The following WASF3 variants were observed in gnomAD, a reference collection of about 807,000 sequenced individuals.
The protein encoded by WASF3 is actin-binding protein WASF3.
In WASF3, 11 loss-of-function variants were observed where a neutral mutation model predicts 46.6. That is an observed-to-expected ratio of 0.24 (90% confidence interval 0.15 to 0.39). The LOEUF (loss-of-function observed/expected upper bound fraction) is 0.39, where lower values mean the gene tolerates loss of function less well. WASF3 is among the 10% of genes least tolerant of loss of function. The pLI is 1.00. For missense variants in WASF3, 576 were observed against 669.8 expected, an observed-to-expected ratio of 0.86 and a Z score of 1.55; for synonymous variants, 242 against 259.7, an observed-to-expected ratio of 0.93 and a Z score of 0.65.
intron 2 of WASF3, among the ~76,000 whole-genome samples, chr13:26,628,434 T>C (rs1177357013): frequency 6.6e-6 from 1 of 152,200 alleles, no homozygotes; most frequent in Non-Finnish European, 1.5e-5. Flanking sequence ...TGAGGGCACA[T>C]GCACACAGAG....
At chr13:26,539,171 G>T in the WASF3 span, among the ~76,000 whole-genome samples, 2 of 152,142 alleles carry the variant, frequency 1.3e-5, no homozygotes, top group Non-Finnish European at 2.9e-5. Flanking sequence ...GCTGGTACCA[G>T]GAAAACAGTG....
chr13:26,547,415 CACACACACACA>C, the WASF3 span, among the ~76,000 whole-genome samples: 83 of 151,996 alleles, frequency 5.5e-4, no homozygotes, highest in African/African-American at 2.0e-3. Flanking sequence ...CACACACACA[CACACACACACA>C]CCCATCATAT....
At chr13:26,675,537 CAT>C (rs1256850841) in intron 6 of WASF3, among the ~76,000 whole-genome samples, 54 of 149,864 alleles carry the variant, frequency 3.6e-4, no homozygotes, top group African/African-American at 1.2e-3. Context: ...TATATTTAAA[CAT>C]AAAAATATAT....
In WASF3 at chr13:26,676,702, G is replaced by T. The variant is rs749851586; in HGVS notation, c.694G>T (p.Gly232Ter). The T allele has an allele frequency of 3.1e-6, 5 of 1,613,808 alleles. No homozygotes were observed. The highest frequency in any genetic ancestry group is 1.3e-5 in the African/African-American group (1 of 74,902). Residue 232 changes from glycine (G) to a stop codon, truncating the protein, a stop_gained, in exon 7 of 10, where the codon GGA becomes TGA. Coordinates refer to ENST00000335327, the MANE Select transcript of WASF3 (RefSeq NM_006646.6). LOFTEE classifies it high-confidence loss of function. Reference protein sequence around the residue: ...QSVYHGASSEGSLSPDTRSHA... With the variant: ...QSVYHGASSE ...TGTGTACCATGGAGCGTCTTCCGAG[G>T]GATCCCTGTCCCCAGATACTAGGTG...
upstream of WASF3, among the ~76,000 whole-genome samples, chr13:26,557,133 T>C (rs9553854): frequency 0.38 from 58,373 of 151,942 alleles, 11,828 homozygotes; most frequent in East Asian, 0.55. Flanking sequence ...AGATTGGTTA[T>C]AGGGTGATAA....
chr13:26,688,835 A>T lies in WASF3; in HGVS notation c.*2990A>T, dbSNP rs570971360. 1.1e-3 allele frequency: 160 copies of T among 152,162 alleles called. No individual in the cohort carries two copies. The highest frequency in any genetic ancestry group is 3.6e-3 in the African/African-American group (151 of 41,488). The allele number at this position is 152,162 out of a possible 1,614,324, so 9.4% of individuals were successfully genotyped here. On this transcript the variant is annotated 3_prime_UTR_variant, in exon 10 of 10. Coordinates refer to ENST00000335327, the MANE Select transcript of WASF3 (RefSeq NM_006646.6). Reference sequence around the variant, plus strand: ...TGTAAATTGAATTTAAAGTGGTATTAAAAAAAACTGTTAAACAATTTTTAT... The same window carrying T: ...TGTAAATTGAATTTAAAGTGGTATTTAAAAAAACTGTTAAACAATTTTTAT...
At chr13:26,547,334 C>T in the WASF3 span, among the ~76,000 whole-genome samples, 1 of 151,846 alleles carries the variant, frequency 6.6e-6, no homozygotes, top group African/African-American at 2.4e-5. Context: ...TATGGTCTGC[C>T]TCAGTTTACC....
intron 4 of WASF3, among the ~76,000 whole-genome samples, chr13:26,666,866 C>CAGAA (rs1882789057): frequency 1.6e-5 from 1 of 62,808 alleles, no homozygotes; most frequent in South Asian, 9.2e-4. Flanking sequence ...AAGACTGTCT[C>CAGAA]AAAAAAAAAA....
At chr13:26,548,402 T>C in the WASF3 span, among the ~76,000 whole-genome samples, 1 of 152,212 alleles carries the variant, frequency 6.6e-6, no homozygotes, top group Non-Finnish European at 1.5e-5. Flanking sequence ...TGCTCTTTTC[T>C]TTCCCTTCTC....
chr13:26,606,390 C>CT (rs1880800913), intron 1 of WASF3, among the ~76,000 whole-genome samples: 1 of 147,274 alleles, frequency 6.8e-6, no homozygotes, highest in Non-Finnish European at 1.5e-5. Context: ...GGATCTCACT[C>CT]TGTTACCTAG....
At chr13:26,570,584 C>G (rs1879605480) in intron 1 of WASF3, among the ~76,000 whole-genome samples, 1 of 151,890 alleles carries the variant, frequency 6.6e-6, no homozygotes, top group South Asian at 2.1e-4. Context: ...TTAAAATATA[C>G]TCTAGAAATT....
chr13:26,669,008 A>G (rs1186444343), intron 5 of WASF3, among the ~76,000 whole-genome samples: 2 of 152,174 alleles, frequency 1.3e-5, no homozygotes, highest in Non-Finnish European at 2.9e-5. Flanking sequence ...GCCGTTGCTA[A>G]GAAACCTCAC....
chr13:26,669,462 C>T (rs1460749979), intron 5 of WASF3, among the ~76,000 whole-genome samples: 1 of 151,768 alleles, frequency 6.6e-6, no homozygotes, highest in Non-Finnish European at 1.5e-5. Context: ...TTAAATATGG[C>T]ACTGTAACAA....
intron 1 of WASF3, among the ~76,000 whole-genome samples, chr13:26,565,570 G>A (rs1198938542): frequency 1.3e-5 from 2 of 152,040 alleles, no homozygotes; most frequent in African/African-American, 4.8e-5. Context: ...GTCATATATT[G>A]TTTAGAGTTA....
At chr13:26,633,890 G>A (rs549064784) in intron 2 of WASF3, among the ~76,000 whole-genome samples, 2 of 152,314 alleles carry the variant, frequency 1.3e-5, no homozygotes, top group Admixed American at 1.3e-4. Context: ...TACATTTGCT[G>A]AGGAGTGCTT....
At chr13:26,680,160 G>A in intron 7 of WASF3, 1 of 1,595,746 alleles carries the variant, frequency 6.3e-7, no homozygotes, top group Non-Finnish European at 8.5e-7. Flanking sequence ...CAAAGAAACT[G>A]GAGCAGGCAG....
Position 26,638,837 on chromosome 13 carries a change from T to C in WASF3, c.-10-3424T>C, listed in dbSNP as rs533389816. ...AGGTATGGCCTAGTGGGATCTCTTATGAATAGATTAGTGCTTTCCCTATGT... is the reference window on the plus strand; with the variant it reads ...AGGTATGGCCTAGTGGGATCTCTTACGAATAGATTAGTGCTTTCCCTATGT... On this transcript the variant is annotated intron_variant, in intron 2 of 9. Transcript: ENST00000335327. The C allele has an allele frequency of 3.9e-5, 6 of 152,354 alleles. No individual in the cohort carries two copies. The South Asian group carries it at 6.2e-4, about 16-fold the overall frequency. 9.4% of individuals were successfully genotyped at this position (152,354 alleles called of 1,614,324 possible).
chr13:26,595,781 C>G (rs1880442774), intron 1 of WASF3, among the ~76,000 whole-genome samples: 2 of 152,174 alleles, frequency 1.3e-5, no homozygotes, highest in African/African-American at 4.8e-5. Context: ...TTTCACTAAG[C>G]AAAATGTCTT....
At chr13:26,546,605 G>C in the WASF3 span, among the ~76,000 whole-genome samples, 1 of 152,136 alleles carries the variant, frequency 6.6e-6, no homozygotes, top group East Asian at 1.9e-4. Flanking sequence ...CCAGCTACTT[G>C]GGAAGCTGAG....
Sources: gnomAD v4.1 joint callset for allele counts (sites outside exome capture counted in the v4.1 genomes callset) on GRCh38, gnomAD v4.1.1 for gene constraint, MANE v1.5 for transcripts, NCBI Gene and HGNC (gene_info 2026-07-23, HGNC 2026-07-21) for gene names.